Variants in JAKMIP2 observed in about 807,000 individuals in gnomAD.
JAKMIP2 encodes the protein janus kinase and microtubule-interacting protein 2.
In JAKMIP2, 25 loss-of-function variants were observed where a neutral mutation model predicts 115.0. The ratio of observed to expected loss-of-function variants is 0.22; its 90% confidence interval spans 0.16 to 0.30. JAKMIP2 has a LOEUF of 0.30. JAKMIP2 is among the 10% of genes least tolerant of loss of function. The probability of loss-of-function intolerance (pLI) is 1.00; values close to 1 mark genes in which losing one functional copy is unlikely to be tolerated. For missense variants in JAKMIP2, 642 were observed against 957.6 expected (o/e 0.67, Z 4.35); for synonymous variants, 334 against 343.6 (o/e 0.97, Z 0.31).
intron 3 of JAKMIP2, chr5:147,660,598 A>C (rs1758907303): frequency 2.7e-6 from 1 of 374,400 alleles, no homozygotes; most frequent in Non-Finnish European, 5.3e-6. Flanking sequence ...CTTTAGAAGA[A>C]TCCATGATTT....
intron 1 of JAKMIP2, among the ~76,000 whole-genome samples, chr5:147,744,866 T>C (rs929183630): frequency 6.3e-4 from 96 of 152,136 alleles, no homozygotes; most frequent in African/African-American, 2.1e-3. Context: ...GAGACCATCC[T>C]GGCCACGATG....
At chr5:147,767,748 A>T (rs1755204456) in intron 1 of JAKMIP2, among the ~76,000 whole-genome samples, 1 of 152,170 alleles carries the variant, frequency 6.6e-6, no homozygotes, top group Non-Finnish European at 1.5e-5. Flanking sequence ...TTAGATTCAC[A>T]TGCAAGAAAC....
intron 1 of JAKMIP2, among the ~76,000 whole-genome samples, chr5:147,719,541 G>T (rs1283401353): frequency 2.0e-5 from 3 of 152,010 alleles, no homozygotes; most frequent in African/African-American, 4.8e-5. Flanking sequence ...CCTGTGTTGG[G>T]TGCATATATA....
chr5:147,656,503 G>A (rs1758682041), intron 3 of JAKMIP2, among the ~76,000 whole-genome samples: 1 of 152,094 alleles, frequency 6.6e-6, no homozygotes, highest in Non-Finnish European at 1.5e-5. Flanking sequence ...GACTAGGATT[G>A]CAACCTCTGC....
intron 1 of JAKMIP2, among the ~76,000 whole-genome samples, chr5:147,682,586 C>T (rs1420409316): frequency 6.6e-6 from 1 of 152,154 alleles, no homozygotes; most frequent in Non-Finnish European, 1.5e-5. Context: ...TCTTTGTGCT[C>T]ATTGTACCTG....
intron 1 of JAKMIP2, among the ~76,000 whole-genome samples, chr5:147,673,007 T>A (rs558268544): frequency 6.6e-6 from 1 of 152,268 alleles, no homozygotes; most frequent in South Asian, 2.1e-4. Flanking sequence ...GCTATTGAAG[T>A]TCTTGGCAGG....
At chr5:147,759,327 G>C (rs561578110) in intron 1 of JAKMIP2, among the ~76,000 whole-genome samples, 2 of 152,078 alleles carry the variant, frequency 1.3e-5, no homozygotes, top group Admixed American at 6.6e-5. Flanking sequence ...AAAATGAGAT[G>C]GCATATCAAT....
At chr5:147,760,529 A>G (rs575354644) in intron 1 of JAKMIP2, among the ~76,000 whole-genome samples, 10 of 152,098 alleles carry the variant, frequency 6.6e-5, no homozygotes, top group Admixed American at 3.9e-4. Context: ...AGAGAAAAAA[A>G]TGACTTTAGA....
chr5:147,649,735 A>G (rs1385895019), intron 4 of JAKMIP2, among the ~76,000 whole-genome samples: 1 of 152,174 alleles, frequency 6.6e-6, no homozygotes, highest in Non-Finnish European at 1.5e-5. Context: ...CTGTTCCTAA[A>G]TAATACATTT....
intron 19 of JAKMIP2, among the ~76,000 whole-genome samples, chr5:147,617,255 C>A (rs1434775818): frequency 6.6e-6 from 1 of 152,260 alleles, no homozygotes; most frequent in East Asian, 1.9e-4. Context: ...TTCAGCAGAC[C>A]TAGGCTGTCA....
At chr5:147,750,858 A>G (rs1319427187) in intron 1 of JAKMIP2, among the ~76,000 whole-genome samples, 2 of 152,118 alleles carry the variant, frequency 1.3e-5, no homozygotes, top group African/African-American at 4.8e-5. Context: ...AGCCAGCAAG[A>G]AAGGCCTCAC....
At chr5:147,684,836 C>G (rs908107446) in intron 1 of JAKMIP2, among the ~76,000 whole-genome samples, 22 of 152,080 alleles carry the variant, frequency 1.4e-4, no homozygotes, top group Non-Finnish European at 1.9e-4. Context: ...TGATAGAAAT[C>G]TATTGCAAAT....
At position 147,587,933 on chromosome 5, in the gene JAKMIP2, G is replaced by A. The variant is rs954402467; in HGVS notation, c.*3774C>T. 7.0e-5 allele frequency: 10 copies of A among 143,090 alleles called. No individual in the cohort carries two copies. The East Asian group carries it at 2.1e-3, about 30-fold the overall frequency. The allele number at this position is 143,090 out of a possible 1,614,324, so 8.9% of individuals were successfully genotyped here. ...AAGACACATACAACCTGTATGAGCA[G>A]TTATTTGTGGGCCAAAAAAAAAAAA... On this transcript the variant is annotated 3_prime_UTR_variant, in exon 22 of 22. Coordinates refer to ENST00000616793, the MANE Select transcript of JAKMIP2 (RefSeq NM_001270941.2).
chr5:147,686,086 C>T (rs1384694600), intron 1 of JAKMIP2, among the ~76,000 whole-genome samples: 4 of 152,182 alleles, frequency 2.6e-5, no homozygotes, highest in East Asian at 1.9e-4. Context: ...TTAATGCAAA[C>T]ATAGGGACCT....
chr5:147,597,364 G>T (rs1755450698), intron 21 of JAKMIP2, among the ~76,000 whole-genome samples: 1 of 152,018 alleles, frequency 6.6e-6, no homozygotes, highest in Non-Finnish European at 1.5e-5. Context: ...AATTTTTCAT[G>T]TTATTAGACA....
intron 1 of JAKMIP2, among the ~76,000 whole-genome samples, chr5:147,701,176 G>A (rs1752311704): frequency 6.6e-6 from 1 of 152,156 alleles, no homozygotes. Context: ...GGAAAGGGAA[G>A]AGGGTATCCT....
intron 1 of JAKMIP2, among the ~76,000 whole-genome samples, chr5:147,750,542 C>T (rs988819565): frequency 7.1e-6 from 1 of 141,494 alleles, no homozygotes; most frequent in East Asian, 2.0e-4. Context: ...AGGAAGATAT[C>T]ACTCATGGTG....
intron 1 of JAKMIP2, among the ~76,000 whole-genome samples, chr5:147,714,340 A>G (rs968295598): frequency 6.6e-6 from 1 of 152,218 alleles, no homozygotes; most frequent in Admixed American, 6.5e-5. Context: ...ATATAACAAC[A>G]AAAATTAAGA....
chr5:147,635,046 A>G (rs1246503179), intron 12 of JAKMIP2, among the ~76,000 whole-genome samples: 1 of 152,186 alleles, frequency 6.6e-6, no homozygotes, highest in Non-Finnish European at 1.5e-5. Context: ...ATGTGGTGGC[A>G]CATGCCTGTA....
Sources: allele counts gnomAD v4.1 joint callset (sites outside exome capture counted in the v4.1 genomes callset), GRCh38; gene constraint gnomAD v4.1.1; transcripts MANE v1.5; gene names NCBI Gene and HGNC (gene_info 2026-07-23, HGNC 2026-07-21).